TOMM40L: variants seen among roughly 807,000 people sequenced by gnomAD.
The protein encoded by TOMM40L is mitochondrial import receptor subunit TOM40B.
A neutral mutation model predicts 38.3 loss-of-function variants in TOMM40L; 17 were observed. The ratio of observed to expected loss-of-function variants is 0.44; its 90% confidence interval spans 0.30 to 0.67. TOMM40L has a LOEUF of 0.67. Among genes scored for constraint, TOMM40L ranks in the 30% least tolerant of loss-of-function variants. The probability of loss-of-function intolerance (pLI) is 0.08; values close to 1 mark genes in which losing one functional copy is unlikely to be tolerated. For missense variants in TOMM40L, 294 were observed against 390.0 expected, an observed-to-expected ratio of 0.75 and a Z score of 2.07; for synonymous variants, 151 against 150.2, an observed-to-expected ratio of 1.01 and a Z score of -0.04.
chr1:161,228,505 G>A lies in TOMM40L; in HGVS notation c.684+1G>A. On this transcript the variant is annotated splice_donor_variant, in intron 8 of 9. Transcript: ENST00000367988. LOFTEE classifies it high-confidence loss of function. Reference sequence around the variant, plus strand: ...TTACTACCACAGGGCAAATGAACAGGTGAGACCTCTGATCTCATTCCCTCC... The same window carrying A: ...TTACTACCACAGGGCAAATGAACAGATGAGACCTCTGATCTCATTCCCTCC... 6.2e-7 allele frequency: 1 copy of A among 1,614,096 alleles called. No individual in the cohort carries two copies. Among genetic ancestry groups the A allele is most frequent in the Non-Finnish European group, 8.5e-7 (1 of 1,179,996 alleles).
intron 2 of TOMM40L, 97 bp from the exon 3 acceptor site, chr1:161,226,790 CT>C (rs1040164036): frequency 1.5e-5 from 21 of 1,439,826 alleles, no homozygotes; most frequent in Non-Finnish European, 2.0e-5. Context: ...AGGTTAATTC[CT>C]CCAAAGTGTT....
At position 161,230,645 on chromosome 1, in the gene TOMM40L, G is replaced by C. The variant is rs1240458677; in HGVS notation, c.*1550G>C. ...AGCAGTATCCAAATACAGCAATTTGGATGCTGAAACGATGTGAGACAGGGA... is the reference window on the plus strand; with the variant it reads ...AGCAGTATCCAAATACAGCAATTTGCATGCTGAAACGATGTGAGACAGGGA... On this transcript the variant is annotated 3_prime_UTR_variant, in exon 10 of 10. Transcript: ENST00000367988. 3 of 846,862 alleles carry C rather than the reference G, an allele frequency of 3.5e-6. No individual in the cohort carries two copies. The highest frequency in any genetic ancestry group is 5.2e-5 in the East Asian group (2 of 38,120). 52.5% of individuals were successfully genotyped at this position (846,862 alleles called of 1,614,324 possible). A position where few individuals can be genotyped will look rare whatever the true frequency, so the allele number is the denominator to read the frequency against.
At chr1:161,227,569 T>C (rs780397141) in intron 4 of TOMM40L, 67 bp from the exon 5 acceptor site, 86 of 1,374,172 alleles carry the variant, frequency 6.3e-5, no homozygotes, top group Non-Finnish European at 8.1e-5. Context: ...AATGAAGTTC[T>C]ATATTTGGGT....
Position 161,227,949 on chromosome 1 carries a change from C to T in TOMM40L, c.444C>T (p.Ala148=), listed in dbSNP as rs1207910315. The T allele has an allele frequency of 1.9e-6, 3 of 1,614,164 alleles. No individual in the cohort carries two copies. The highest frequency in any genetic ancestry group is 1.7e-6 in the Non-Finnish European group (2 of 1,180,012). The change falls in exon 6 of 10, where the codon GCC becomes GCT. Residue 148 remains alanine, a synonymous_variant. Transcript: ENST00000367988. ...AGTATCGGGGAGATGACTACACAGC[C>T]ACTCTGACCCTAGGAAATCCTGACC... The part of the protein sequence containing the change: ...DGEYRGDDYT[A]TLTLGNPDLI...
In TOMM40L at chr1:161,230,072, C is replaced by T; in HGVS notation, c.*977C>T. 2 of 971,014 alleles carry T rather than the reference C, an allele frequency of 2.1e-6. No homozygotes were observed. Among genetic ancestry groups the T allele is most frequent in the Non-Finnish European group, 1.5e-6 (1 of 660,962 alleles). The allele number at this position is 971,014 out of a possible 1,614,324, so 60.1% of individuals were successfully genotyped here. A position where few individuals can be genotyped will look rare whatever the true frequency, so the allele number is the denominator to read the frequency against. On this transcript the variant is annotated 3_prime_UTR_variant, in exon 10 of 10. Coordinates refer to ENST00000367988, the MANE Select transcript of TOMM40L (RefSeq NM_032174.6). The stretch of plus-strand genomic sequence containing the variant: ...GAAAATCATGCTCTGGTATGACAGA[C>T]TATCAGAGGTTCCAAAGGTCCTCCA...
intron 4 of TOMM40L, 79 bp downstream of exon 4, chr1:161,227,429 G>C: frequency 3.6e-6 from 5 of 1,380,404 alleles, no homozygotes; most frequent in Non-Finnish European, 3.1e-6. Flanking sequence ...AATTGTGTGT[G>C]TTATGGGGAG....
Position 161,229,058 on chromosome 1 carries a change from A to G in TOMM40L, c.890A>G (p.Asn297Ser). 6.2e-7 allele frequency: 1 copy of G among 1,614,134 alleles called. No individual in the cohort carries two copies. Among genetic ancestry groups the G allele is most frequent in the Admixed American group, 1.7e-5 (1 of 60,008 alleles). ...GGAGCCTTCCTCAATCACTGGCGCA[A>G]CAGATTCCATTGTGGCTTCAGCATC... ...ALGAFLNHWR[N>S]RFHCGFSITV... The change falls in exon 10 of 10, where the codon AAC (asparagine) becomes AGC (serine). Residue 297 changes from asparagine to serine, a missense_variant. Physicochemically the swap from Asn to Ser is conservative, Grantham distance 46. Transcript: ENST00000367988.
At position 161,228,469 on chromosome 1, in the gene TOMM40L, G is replaced by T; in HGVS notation, c.649G>T (p.Ala217Ser). 6.2e-7 allele frequency: 1 copy of T among 1,614,096 alleles called. No individual in the cohort carries two copies. Among genetic ancestry groups the T allele is most frequent in the Non-Finnish European group, 8.5e-7 (1 of 1,180,002 alleles). The part of the protein sequence containing the change: ...VATLNVGSGG[A>S]HASYYHRANE... ...TACATTGAATGTGGGATCAGGCGGG[G>T]CCCATGCAAGTTACTACCACAGGGC... The change falls in exon 8 of 10, where the codon GCC (alanine) becomes TCC (serine). Residue 217 changes from alanine to serine, a missense_variant. Ala to Ser is a moderately conservative substitution (Grantham distance 99). Transcript: ENST00000367988.
chr1:161,226,704 A>G lies in TOMM40L; in HGVS notation c.115+100A>G, dbSNP rs1666369676. On this transcript the variant is annotated intron_variant, in intron 2 of 9. Transcript: ENST00000367988. ...CGATGGGAGCAGGAAAGGGGAGATC[A>G]TAGCTGGGTCATGCAGCCTCAGGGA... 9 of 1,357,954 alleles carry G rather than the reference A, an allele frequency of 6.6e-6. No individual in the cohort carries two copies. The South Asian group carries it at 1.1e-4, about 17-fold the overall frequency. 84.1% of individuals were successfully genotyped at this position (1,357,954 alleles called of 1,614,324 possible).
Position 161,229,094 on chromosome 1 carries a change from G to A in TOMM40L, c.926G>A (p.Ter309=), listed in dbSNP as rs765300805. Residue 309 remains the stop codon, a stop_retained_variant, in exon 10 of 10, where the codon TGA becomes TAA. Coordinates refer to ENST00000367988, the MANE Select transcript of TOMM40L (RefSeq NM_032174.6). The part of the protein sequence containing the change: ...FHCGFSITVG[*] Reference sequence around the variant, plus strand: ...TGTGGCTTCAGCATCACTGTGGGCTGAGGTTGTCCAGAGCCAGCCCCCACA... The same window carrying A: ...TGTGGCTTCAGCATCACTGTGGGCTAAGGTTGTCCAGAGCCAGCCCCCACA... 1 of 1,614,058 alleles carries A rather than the reference G, an allele frequency of 6.2e-7. No homozygotes were observed. Among genetic ancestry groups the A allele is most frequent in the African/African-American group, 1.3e-5 (1 of 74,916 alleles).
rs745554102 is a variant in TOMM40L, at chr1:161,228,466, G to A, written c.646G>A (p.Gly216Arg). 4.3e-6 allele frequency: 7 copies of A among 1,614,046 alleles called. No individual in the cohort carries two copies. The highest frequency in any genetic ancestry group is 5.9e-6 in the Non-Finnish European group (7 of 1,179,992). ...AGCTACATTGAATGTGGGATCAGGC[G>A]GGGCCCATGCAAGTTACTACCACAG... ...WVATLNVGSG[G>R]AHASYYHRAN... The change falls in exon 8 of 10, where the codon GGG becomes AGG. Residue 216 changes from glycine (G) to arginine (R), a missense_variant. Gly to Arg is a moderately radical substitution (Grantham distance 125, BLOSUM62 -2). Coordinates refer to ENST00000367988, the MANE Select transcript of TOMM40L (RefSeq NM_032174.6).
Position 161,226,404 on chromosome 1 carries a change from TGGG to T in TOMM40L, c.-82_-80del. On this transcript the variant is annotated 5_prime_UTR_variant, in exon 2 of 10. Transcript: ENST00000367988. ...TTTCTGAGGCTGGGGAGCCGGATAA[TGGG>T]GGGTGGGGCCCGTTGGGGGGTAAAG... The T allele has an allele frequency of 8.6e-7, 1 of 1,163,314 alleles. No homozygotes were observed. The allele number at this position is 1,163,314 out of a possible 1,614,324, so 72.1% of individuals were successfully genotyped here.
rs746433585 is a variant in TOMM40L, at chr1:161,230,107, G to C, written c.*1012G>C. ...TTCCAAAGGTCCTCCAGGGGGCCTC[G>C]GTCTGACACTGTCTTCTCTCACCAT... On this transcript the variant is annotated 3_prime_UTR_variant, in exon 10 of 10. Coordinates refer to ENST00000367988, the MANE Select transcript of TOMM40L (RefSeq NM_032174.6). 4.6e-6 allele frequency: 3 copies of C among 654,370 alleles called. No individual in the cohort carries two copies. Among genetic ancestry groups the C allele is most frequent in the South Asian group, 4.0e-5 (2 of 50,330 alleles). 40.5% of individuals were successfully genotyped at this position (654,370 alleles called of 1,614,324 possible). A position where few individuals can be genotyped will look rare whatever the true frequency, so the allele number is the denominator to read the frequency against.
chr1:161,227,166 G>T (rs1372403307), intron 3 of TOMM40L, 92 bp from the exon 4 acceptor site: 4 of 1,329,322 alleles, frequency 3.0e-6, no homozygotes, highest in Admixed American at 3.6e-5. Context: ...ATTCTTGAGA[G>T]GCCCTCTGGA....
In TOMM40L at chr1:161,230,726, G is replaced by A. The variant is rs779924406; in HGVS notation, c.*1631G>A. The A allele has an allele frequency of 7.0e-6, 11 of 1,577,358 alleles. No homozygotes were observed. The highest frequency in any genetic ancestry group is 9.5e-6 in the Non-Finnish European group (11 of 1,155,318). On this transcript the variant is annotated 3_prime_UTR_variant, in exon 10 of 10. Coordinates refer to ENST00000367988, the MANE Select transcript of TOMM40L (RefSeq NM_032174.6). ...ACCTGAATTCCCTAAGGAAAGGACA[G>A]TAAAAAAACATTCCTCCCAAGCTCA...
Position 161,227,617 on chromosome 1 carries a change from T to TG in TOMM40L, c.277-18dup. 1.2e-6 allele frequency: 2 copies of TG among 1,607,912 alleles called. No homozygotes were observed. Among genetic ancestry groups the TG allele is most frequent in the Non-Finnish European group, 1.7e-6 (2 of 1,175,644 alleles). On this transcript the variant is annotated intron_variant, in intron 4 of 9. Coordinates refer to ENST00000367988, the MANE Select transcript of TOMM40L (RefSeq NM_032174.6). Reference sequence around the variant, plus strand: ...GTGCCATCCGGCTCAGCCTTACTACTGTGTACACCCTTCCACAGGTGTTCC... The same window carrying TG: ...GTGCCATCCGGCTCAGCCTTACTACTGGTGTACACCCTTCCACAGGTGTTCC...
chr1:161,227,645 A>G lies in TOMM40L; in HGVS notation c.286A>G (p.Thr96Ala). ...GTACACCCTTCCACAGGTGTTCCCCACTGTGGTAGGGGATATGGACAGCAG... is the reference window on the plus strand; with the variant it reads ...GTACACCCTTCCACAGGTGTTCCCCGCTGTGGTAGGGGATATGGACAGCAG... ...WQLSPTEVFP[T>A]VVGDMDSSGS... The change falls in exon 5 of 10, where the codon ACT (threonine) becomes GCT (alanine). Residue 96 changes from threonine to alanine, a missense_variant. Physicochemically the swap from Thr to Ala is moderately conservative, Grantham distance 58 (BLOSUM62 0). Transcript: ENST00000367988. 1 of 1,612,502 alleles carries G rather than the reference A, an allele frequency of 6.2e-7. No individual in the cohort carries two copies. The highest frequency in any genetic ancestry group is 1.1e-5 in the South Asian group (1 of 91,026).
At position 161,229,665 on chromosome 1, in the gene TOMM40L, G is replaced by C; in HGVS notation, c.*570G>C. On this transcript the variant is annotated 3_prime_UTR_variant, in exon 10 of 10. Coordinates refer to ENST00000367988, the MANE Select transcript of TOMM40L (RefSeq NM_032174.6). The stretch of plus-strand genomic sequence containing the variant: ...ATCCCCATGACCGCATGAAGAGGCA[G>C]TTATTGCTTTAGTCTTTCATTGCAA... 6.2e-7 allele frequency: 1 copy of C among 1,613,858 alleles called. No individual in the cohort carries two copies. The highest frequency in any genetic ancestry group is 8.5e-7 in the Non-Finnish European group (1 of 1,179,928).
In TOMM40L at chr1:161,228,257, C is replaced by T. The variant is rs142987556; in HGVS notation, c.556C>T (p.Arg186Trp). The T allele has an allele frequency of 9.3e-6, 15 of 1,607,282 alleles. No individual in the cohort carries two copies. Among genetic ancestry groups the T allele is most frequent in the African/African-American group, 8.0e-5 (6 of 74,842 alleles). The change falls in exon 7 of 10, where the codon CGG becomes TGG. Residue 186 changes from arginine (R) to tryptophan (W), a missense_variant. Transcript: ENST00000367988. ...LVLGGELVYH[R>W]RPGEEGAILT... The stretch of plus-strand genomic sequence containing the variant: ...GCTGGGAGGAGAGCTAGTTTATCAC[C>T]GGCGGCCAGGCGAAGAGGGGGCCAT...
Sources: allele counts gnomAD v4.1 joint callset, GRCh38; gene constraint gnomAD v4.1.1; transcripts MANE v1.5; gene names NCBI Gene and HGNC (gene_info 2026-07-23, HGNC 2026-07-21).